Variants in CAMK1D observed in about 807,000 individuals in gnomAD.
CAMK1D encodes calcium/calmodulin-dependent protein kinase type 1D.
In CAMK1D, 9 loss-of-function variants were observed where a neutral mutation model predicts 47.7. That is an observed-to-expected ratio of 0.19 (90% CI 0.11 to 0.33). The LOEUF is 0.33. Ranked by LOEUF, CAMK1D falls within the 10% of genes least tolerant of loss-of-function variation. The pLI, the probability that CAMK1D is intolerant of heterozygous loss-of-function variation, is 1.00. For missense variants in CAMK1D, 291 were observed against 488.7 expected, an observed-to-expected ratio of 0.60 and a Z score of 3.81; for synonymous variants, 184 against 184.9, an observed-to-expected ratio of 0.99 and a Z score of 0.04.
intron 2 of CAMK1D, among the ~76,000 whole-genome samples, chr10:12,591,296 A>C (rs1837987677): frequency 6.6e-6 from 1 of 152,196 alleles, no homozygotes; most frequent in Non-Finnish European, 1.5e-5. Context: ...CCAGGACTTG[A>C]TCAATTACTG....
At position 12,486,326 on chromosome 10, in the gene CAMK1D, T is replaced by A. The variant is rs536572573; in HGVS notation, c.93-66899T>A. Among the ~76,000 whole-genome samples, 26 of 152,140 alleles carry A rather than the reference T, an allele frequency of 1.7e-4. 1 individual carries two copies. Among genetic ancestry groups the A allele is most frequent in the African/African-American group, 6.3e-4 (26 of 41,510 alleles). Reference sequence around the variant, plus strand: ...GGTGCCCACCACCACACCTGGCTAATTTTTTGTATTTTTAGTAGAGATGGG... The same window carrying A: ...GGTGCCCACCACCACACCTGGCTAAATTTTTGTATTTTTAGTAGAGATGGG... On this transcript the variant is annotated intron_variant, in intron 1 of 10. Transcript: ENST00000619168.
At chr10:12,557,056 T>TGG (rs1020591740) in intron 2 of CAMK1D, among the ~76,000 whole-genome samples, 1 of 152,124 alleles carries the variant, frequency 6.6e-6, no homozygotes, top group African/African-American at 2.4e-5. Context: ...GTTTCTGACA[T>TGG]GGATGCCTGG....
At chr10:12,460,368 C>G (rs936809239) in intron 1 of CAMK1D, among the ~76,000 whole-genome samples, 1 of 151,972 alleles carries the variant, frequency 6.6e-6, no homozygotes, top group African/African-American at 2.4e-5. Context: ...TCAAGCGATC[C>G]TCCTGCCTCA....
intron 1 of CAMK1D, among the ~76,000 whole-genome samples, chr10:12,460,244 T>C (rs1042742228): frequency 6.6e-6 from 1 of 151,390 alleles, no homozygotes; most frequent in African/African-American, 2.4e-5. Context: ...TGTTGTCGTA[T>C]TTCCTATTTC....
At chr10:12,696,469 C>T (rs574502847) in intron 3 of CAMK1D, among the ~76,000 whole-genome samples, 14 of 151,914 alleles carry the variant, frequency 9.2e-5, no homozygotes, top group South Asian at 2.1e-4. Flanking sequence ...CCCAGCGGGC[C>T]GAGGTTGCAG....
intron 1 of CAMK1D, among the ~76,000 whole-genome samples, chr10:12,444,157 G>A (rs1029209057): frequency 6.6e-6 from 1 of 152,100 alleles, no homozygotes; most frequent in African/African-American, 2.4e-5. Context: ...CTGCAACCTG[G>A]TTTATCAGCA....
rs1199319311 is a variant in CAMK1D, at chr10:12,827,448, TTTC to T, written c.1040-1318_1040-1316del. 1.6e-5 allele frequency among the ~76,000 whole-genome samples: 2 copies of T among 123,132 alleles called. 1 individual carries two copies. The highest frequency in any genetic ancestry group is 3.6e-5 in the Non-Finnish European group (2 of 56,222). 80.8% of individuals were successfully genotyped at this position (123,132 alleles called of 152,430 possible). On this transcript the variant is annotated intron_variant, in intron 10 of 10. Transcript: ENST00000619168. The stretch of plus-strand genomic sequence containing the variant: ...CCTTCCTTCCTTCCTTCTTTCTTTC[TTTC>T]TTTTCTTTCTTTGTCTGTCTGTCTT...
intron 8 of CAMK1D, among the ~76,000 whole-genome samples, chr10:12,823,889 C>T (rs1219534313): frequency 6.6e-6 from 1 of 151,852 alleles, no homozygotes; most frequent in Non-Finnish European, 1.5e-5. Flanking sequence ...CAGAATGTGG[C>T]AGGCTCAGCT....
At chr10:12,474,740 C>T (rs1833852415) in intron 1 of CAMK1D, among the ~76,000 whole-genome samples, 1 of 151,898 alleles carries the variant, frequency 6.6e-6, no homozygotes, top group Non-Finnish European at 1.5e-5. Flanking sequence ...TGAGTCTCTC[C>T]CTCCTCCCAC....
At chr10:12,765,885 G>C (rs1418821033) in intron 4 of CAMK1D, among the ~76,000 whole-genome samples, 1 of 151,296 alleles carries the variant, frequency 6.6e-6, no homozygotes. Flanking sequence ...ATTTGTATAG[G>C]ACACAAAAAA....
chr10:12,691,236 T>C (rs1832864885), intron 3 of CAMK1D, among the ~76,000 whole-genome samples: 1 of 150,984 alleles, frequency 6.6e-6, no homozygotes, highest in South Asian at 2.1e-4. Context: ...CTGCATGAAA[T>C]AGTAGGAAAT....
intron 2 of CAMK1D, among the ~76,000 whole-genome samples, chr10:12,632,751 G>A (rs190982276): frequency 6.6e-6 from 1 of 152,228 alleles, no homozygotes; most frequent in African/African-American, 2.4e-5. Flanking sequence ...CTGGACTGCA[G>A]TGGCATGATC....
chr10:12,825,832 C>A, intron 10 of CAMK1D, 142 bp downstream of exon 10: 1 of 1,404,110 alleles, frequency 7.1e-7, no homozygotes, highest in Non-Finnish European at 9.7e-7. Context: ...GACCCTAGGA[C>A]TTTTTTTAAC....
intron 2 of CAMK1D, among the ~76,000 whole-genome samples, chr10:12,566,421 A>G (rs1588639559): frequency 6.6e-6 from 1 of 152,258 alleles, no homozygotes; most frequent in South Asian, 2.1e-4. Flanking sequence ...AGAGTTGCCA[A>G]GGATACATCA....
chr10:12,761,044 G>A lies in CAMK1D; in HGVS notation c.396G>A (p.Val132=), dbSNP rs1327745085. ...TGATCCGCCAAGTCTTGGACGCCGTGTACTATCTCCACAGAATGGGCATCG... is the reference window on the plus strand; with the variant it reads ...TGATCCGCCAAGTCTTGGACGCCGTATACTATCTCCACAGAATGGGCATCG... ...STLIRQVLDA[V]YYLHRMGIVH... The change falls in exon 4 of 11, where the codon GTG becomes GTA. Residue 132 remains valine (V), a synonymous_variant. Coordinates refer to ENST00000619168, the MANE Select transcript of CAMK1D (RefSeq NM_153498.4). The A allele has an allele frequency of 2.5e-6, 4 of 1,614,152 alleles. No individual in the cohort carries two copies. The highest frequency in any genetic ancestry group is 3.4e-6 in the Non-Finnish European group (4 of 1,180,024).
At chr10:12,733,245 A>C (rs1834975343) in intron 3 of CAMK1D, among the ~76,000 whole-genome samples, 1 of 152,206 alleles carries the variant, frequency 6.6e-6, no homozygotes, top group African/African-American at 2.4e-5. Flanking sequence ...ATTCAGGGTG[A>C]AGCTAGACAG....
At chr10:12,351,354 G>C (rs1426632875) in intron 1 of CAMK1D, among the ~76,000 whole-genome samples, 7 of 152,202 alleles carry the variant, frequency 4.6e-5, no homozygotes, top group African/African-American at 1.7e-4. Context: ...TAAGGGGTTA[G>C]TTTGGGTCAA....
intron 2 of CAMK1D, among the ~76,000 whole-genome samples, chr10:12,665,845 G>C (rs1401767054): frequency 6.6e-6 from 1 of 152,212 alleles, no homozygotes; most frequent in South Asian, 2.1e-4. Context: ...TGCAGCCTTC[G>C]AGGCCCCAAG....
At chr10:12,380,435 A>G (rs1838305919) in intron 1 of CAMK1D, among the ~76,000 whole-genome samples, 1 of 152,186 alleles carries the variant, frequency 6.6e-6, no homozygotes, top group East Asian at 1.9e-4. Context: ...AACCCAAAGG[A>G]GGCCAAACAA....
Sources: gnomAD v4.1 joint callset for allele counts (sites outside exome capture counted in the v4.1 genomes callset) on GRCh38, gnomAD v4.1.1 for gene constraint, MANE v1.5 for transcripts, NCBI Gene and HGNC (gene_info 2026-07-23, HGNC 2026-07-21) for gene names.